Variants in FILIP1L observed in about 807,000 individuals in gnomAD.
FILIP1L encodes filamin A-interacting protein 1-like.
A neutral mutation model predicts 96.6 loss-of-function variants in FILIP1L; 55 were observed. The ratio of observed to expected loss-of-function variants is 0.57; its 90% confidence interval spans 0.46 to 0.71. FILIP1L has a LOEUF of 0.71. FILIP1L is among the 30% of genes least tolerant of loss of function. FILIP1L has a pLI of 0.00. For missense variants in FILIP1L, 1,304 were observed against 1,321.2 expected (o/e 0.99, Z 0.20); for synonymous variants, 467 against 473.9 (o/e 0.99, Z 0.19).
At chr3:99,950,519 C>T (rs1708144803) in intron 1 of FILIP1L, among the ~76,000 whole-genome samples, 2 of 152,144 alleles carry the variant, frequency 1.3e-5, no homozygotes, top group African/African-American at 4.8e-5. Flanking sequence ...ACTAGTCTCC[C>T]CTGGTGACTT....
intron 1 of FILIP1L, among the ~76,000 whole-genome samples, chr3:99,957,461 T>G (rs1387528316): frequency 1.3e-5 from 2 of 152,136 alleles, no homozygotes; most frequent in Non-Finnish European, 2.9e-5. Context: ...TGTATATATA[T>G]ATAGAGAGAG....
chr3:99,851,300 C>G (rs947116209), intron 4 of FILIP1L, among the ~76,000 whole-genome samples: 7 of 152,112 alleles, frequency 4.6e-5, no homozygotes, highest in African/African-American at 1.4e-4. Context: ...TCACCAGGAG[C>G]CTTAGTAAAA....
intron 4 of FILIP1L, among the ~76,000 whole-genome samples, chr3:99,915,627 G>A (rs1706927156): frequency 6.6e-6 from 1 of 151,332 alleles, no homozygotes; most frequent in African/African-American, 2.4e-5. Flanking sequence ...AGTCTTAATG[G>A]TTTAAAAAAA....
chr3:100,062,561 G>A (rs1181082397), intron 1 of FILIP1L, among the ~76,000 whole-genome samples: 1 of 152,086 alleles, frequency 6.6e-6, no homozygotes, highest in East Asian at 1.9e-4. Context: ...AAGTGCTTCT[G>A]TTTTTTCCAA....
chr3:99,846,848 C>A (rs778518456), intron 5 of FILIP1L, among the ~76,000 whole-genome samples: 2 of 152,174 alleles, frequency 1.3e-5, no homozygotes, highest in African/African-American at 2.4e-5. Context: ...AAATTAACCA[C>A]ACTAAATTAA....
chr3:99,848,526 A>C lies in FILIP1L; in HGVS notation c.3150T>G (p.Asn1050Lys), dbSNP rs747188276. 6.2e-7 allele frequency: 1 copy of C among 1,614,054 alleles called. No homozygotes were observed. The highest frequency in any genetic ancestry group is 1.3e-5 in the African/African-American group (1 of 74,906). Reference sequence around the variant, plus strand: ...CCTCAGTAGTTATCACACTTGAGCTATTGCTGTTTGAACGCTGAAACTGCC... The same window carrying C: ...CCTCAGTAGTTATCACACTTGAGCTCTTGCTGTTTGAACGCTGAAACTGCC... ...SSWQFQRSNS[N>K]SSSVITTEDN... Residue 1050 changes from asparagine (N) to lysine (K), a missense_variant, in exon 5 of 6, where the codon AAT (asparagine) becomes AAG (lysine). Transcript: ENST00000477258.
intron 3 of FILIP1L, among the ~76,000 whole-genome samples, chr3:99,927,754 C>T (rs1707342237): frequency 6.6e-6 from 1 of 151,902 alleles, no homozygotes; most frequent in Admixed American, 6.6e-5. Flanking sequence ...TGATATAGAA[C>T]CCTAGGCTGG....
intron 1 of FILIP1L, among the ~76,000 whole-genome samples, chr3:100,022,871 T>A (rs1576648644): frequency 6.6e-6 from 1 of 152,202 alleles, no homozygotes; most frequent in Non-Finnish European, 1.5e-5. Flanking sequence ...AGTTTTGGAC[T>A]GAGGTTTCAC....
chr3:99,961,660 T>C (rs1016745127), intron 1 of FILIP1L, among the ~76,000 whole-genome samples: 2 of 152,202 alleles, frequency 1.3e-5, no homozygotes, highest in Non-Finnish European at 1.5e-5. Flanking sequence ...GGTGCCTCTT[T>C]TTGAAGCTAC....
At chr3:100,098,619 T>TAGGGGGTGG (rs2066253598) in intron 1 of FILIP1L, among the ~76,000 whole-genome samples, 1 of 152,242 alleles carries the variant, frequency 6.6e-6, no homozygotes, top group Non-Finnish European at 1.5e-5. Context: ...GTTATTTTTG[T>TAGGGGGTGG]GCATATATTT....
chr3:100,062,093 CTTTTTTTTTT>C (rs71907944), intron 1 of FILIP1L, among the ~76,000 whole-genome samples: 4 of 53,176 alleles, frequency 7.5e-5, no homozygotes, highest in South Asian at 1.2e-3. Flanking sequence ...CTGTCTTCTT[CTTTTTTTTTT>C]TTTTTTTTTT....
intron 4 of FILIP1L, among the ~76,000 whole-genome samples, chr3:99,891,165 A>G (rs753892047): frequency 6.6e-6 from 1 of 151,986 alleles, no homozygotes; most frequent in Admixed American, 6.6e-5. Flanking sequence ...CTAACTCCCA[A>G]TGCCATAGTT....
chr3:100,062,093 C>CTTCTTTTTTTTTTTTTTTTTTT (rs2065577734), intron 1 of FILIP1L, among the ~76,000 whole-genome samples: 1 of 53,154 alleles, frequency 1.9e-5, no homozygotes, highest in African/African-American at 8.9e-5. Context: ...CTGTCTTCTT[C>CTTCTTTTTTTTTTTTTTTTTTT]TTTTTTTTTT....
At chr3:100,042,743 G>T (rs1206964893) in intron 1 of FILIP1L, among the ~76,000 whole-genome samples, 2 of 152,098 alleles carry the variant, frequency 1.3e-5, no homozygotes, top group African/African-American at 2.4e-5. Context: ...TAACCCAGTT[G>T]CTATAACCAT....
At chr3:99,952,185 T>G (rs1708197794) in intron 1 of FILIP1L, among the ~76,000 whole-genome samples, 1 of 151,912 alleles carries the variant, frequency 6.6e-6, no homozygotes, top group Non-Finnish European at 1.5e-5. Flanking sequence ...TTTCGTTGAC[T>G]TAATAAGGGG....
intron 4 of FILIP1L, among the ~76,000 whole-genome samples, chr3:99,860,014 G>A (rs1477890486): frequency 6.6e-6 from 1 of 152,192 alleles, no homozygotes; most frequent in African/African-American, 2.4e-5. Flanking sequence ...AGCAAGATCA[G>A]TAGAACAGTA....
At chr3:99,967,783 T>C in intron 1 of FILIP1L, among the ~76,000 whole-genome samples, 1 of 152,220 alleles carries the variant, frequency 6.6e-6, no homozygotes, top group East Asian at 1.9e-4. Context: ...TTATTTCACC[T>C]CAATTCAACC....
At chr3:99,958,215 T>TATG (rs1708392236) in intron 1 of FILIP1L, among the ~76,000 whole-genome samples, 1 of 135,970 alleles carries the variant, frequency 7.4e-6, no homozygotes, top group South Asian at 2.2e-4. Context: ...TTATTATTAT[T>TATG]ATTATTATTA....
chr3:99,942,504 A>C (rs1222794516), intron 1 of FILIP1L, among the ~76,000 whole-genome samples: 1 of 152,216 alleles, frequency 6.6e-6, no homozygotes, highest in East Asian at 1.9e-4. Context: ...GAAAGAAAGC[A>C]CTAGGCACAT....
Sources: gnomAD v4.1 joint callset for allele counts (sites outside exome capture counted in the v4.1 genomes callset) on GRCh38, gnomAD v4.1.1 for gene constraint, MANE v1.5 for transcripts, NCBI Gene and HGNC (gene_info 2026-07-23, HGNC 2026-07-21) for gene names.